ABCA2: variants seen among roughly 807,000 people sequenced by gnomAD.
ABCA2 encodes the protein ATP-binding cassette sub-family A member 2.
Under a neutral mutation model 262.8 loss-of-function variants are expected in ABCA2, and 84 were observed. The observed-to-expected ratio is 0.32, with a 90% CI of 0.27 to 0.38. The LOEUF is 0.38. Among genes scored for constraint, ABCA2 ranks in the 10% least tolerant of loss-of-function variants. ABCA2 has a pLI of 1.00. For missense variants in ABCA2, 2,662 were observed against 3,405.9 expected (o/e 0.78, Z 5.44); for synonymous variants, 1,696 against 1,502.9 (o/e 1.13, Z -2.97).
rs988347184 is a variant in ABCA2, at chr9:137,011,977, A to G, written c.5402T>C (p.Val1801Ala). The G allele has an allele frequency of 1.2e-6, 2 of 1,612,672 alleles. No individual in the cohort carries two copies. Among genetic ancestry groups the G allele is most frequent in the Non-Finnish European group, 1.7e-6 (2 of 1,179,928 alleles). The change falls in exon 35 of 49, where the codon GTG becomes GCG. Residue 1801 changes from valine to alanine, a missense_variant. Around this residue, in one of 12 missense-constraint regions of ABCA2, gnomAD observed 602 missense variants for 897.4 expected, o/e 0.67. Transcript: ENST00000341511. The surrounding 1 kb of genome is among the most constrained non-coding windows in gnomAD (Gnocchi z 8.8). ...TDVVIAIFII[V>A]AMSFVPASFV... The stretch of plus-strand genomic sequence containing the variant: ...GCTGGCCGGCACGAAGGACATGGCC[A>G]CGATGATGAAGATGGCGATGACGAC...
chr9:137,022,539 GCGCT>G, intron 5 of ABCA2, 61 bp from the exon 6 acceptor site: 1 of 1,586,190 alleles, frequency 6.3e-7, no homozygotes, highest in African/African-American at 1.3e-5. Flanking sequence ...GCCCCCACAT[GCGCT>G]CGGAGCCGAG....
intron 1 of ABCA2, 130 bp downstream of exon 1, chr9:137,027,945 G>A (rs1419413576): frequency 6.6e-6 from 2 of 304,584 alleles, no homozygotes; most frequent in Non-Finnish European, 4.8e-6. Context: ...GGGGGCTCGG[G>A]CCCGCGCCGC....
intron 45 of ABCA2, 153 bp downstream of exon 45, chr9:137,009,217 G>A (rs1830943705): frequency 2.5e-6 from 2 of 812,166 alleles, no homozygotes; most frequent in African/African-American, 1.9e-5. Flanking sequence ...TCCTCCCCTG[G>A]CCCCACTGCC....
Position 137,007,807 on chromosome 9 carries a change from G to C in ABCA2, c.*122C>G, listed in dbSNP as rs1830885774. ...GGGGCTGGAGGACCAGAAGCCCCTT[G>C]GTCCTGAACCTCCACTCCAGGCCCT... On this transcript the variant is annotated 3_prime_UTR_variant, in exon 49 of 49. Coordinates refer to ENST00000341511, the MANE Select transcript of ABCA2 (RefSeq NM_001606.5). 3.7e-6 allele frequency: 5 copies of C among 1,360,138 alleles called. No individual in the cohort carries two copies. The highest frequency in any genetic ancestry group is 1.4e-5 in the African/African-American group (1 of 69,474). 84.3% of individuals were successfully genotyped at this position (1,360,138 alleles called of 1,614,324 possible).
chr9:137,012,978 C>A (rs752250283), intron 30 of ABCA2, 24 bp downstream of exon 30: 2 of 1,480,528 alleles, frequency 1.4e-6, no homozygotes, highest in East Asian at 2.5e-5. Flanking sequence ...CCCTGCCCCC[C>A]CAGCAGGCCC....
In ABCA2 at chr9:137,018,282, G is replaced by A. The variant is rs1831331470; in HGVS notation, c.1889C>T (p.Ser630Phe). Reference protein sequence around the residue: ...PHVHYKIRQNSSFTEKTNEIR... With the variant: ...PHVHYKIRQNFSFTEKTNEIR... ...CTCGTTGGTTTTCTCGGTGAAGCTG[G>A]AGTTCTGGCGGATCTTGTAGTGCAC... The change falls in exon 14 of 49, where the codon TCC becomes TTC. Residue 630 changes from serine (S) to phenylalanine (F), a missense_variant. Ser to Phe is a radical substitution (Grantham distance 155). Coordinates refer to ENST00000341511, the MANE Select transcript of ABCA2 (RefSeq NM_001606.5). 1.2e-6 allele frequency: 2 copies of A among 1,610,054 alleles called. No individual in the cohort carries two copies. Among genetic ancestry groups the A allele is most frequent in the Non-Finnish European group, 1.7e-6 (2 of 1,179,448 alleles).
At position 137,018,826 on chromosome 9, in the gene ABCA2, G is replaced by A. The variant is rs1369145783; in HGVS notation, c.1723-11C>T. ...GATGTCCACGCTCACCTAGCGGGAG[G>A]GGCATCGCTGGAGCCCGCCGTGGGC... On this transcript the variant is annotated splice_polypyrimidine_tract_variant and intron_variant, in intron 12 of 48. Coordinates refer to ENST00000341511, the MANE Select transcript of ABCA2 (RefSeq NM_001606.5). 6.2e-7 allele frequency: 1 copy of A among 1,612,578 alleles called. No homozygotes were observed. The highest frequency in any genetic ancestry group is 8.5e-7 in the Non-Finnish European group (1 of 1,179,748).
Position 137,024,207 on chromosome 9 carries a change from G to A in ABCA2, c.96C>T (p.Pro32=), listed in dbSNP as rs754830897. 3 of 1,612,198 alleles carry A rather than the reference G, an allele frequency of 1.9e-6. No homozygotes were observed. Among genetic ancestry groups the A allele is most frequent in the Non-Finnish European group, 2.5e-6 (3 of 1,179,562 alleles). The change falls in exon 2 of 49, where the codon CCC becomes CCT. Residue 32 remains proline (P), a synonymous_variant. Transcript: ENST00000341511. ...CCAGCAGGATAAAGAACAGCACCAG[G>A]GGGATGAAGATCTCGAAGGCCAGGA... ...PWVLAFEIFI[P]LVLFFILLGL... is the part of the protein sequence containing the mutation.
intron 1 of ABCA2, among the ~76,000 whole-genome samples, chr9:137,024,607 G>A (rs1227199752): frequency 1.3e-5 from 2 of 152,152 alleles, no homozygotes; most frequent in South Asian, 2.1e-4. Context: ...GGGACCATCT[G>A]AGCCACTAGC....
chr9:137,026,676 C>G (rs886517439), intron 1 of ABCA2, among the ~76,000 whole-genome samples: 4 of 152,152 alleles, frequency 2.6e-5, no homozygotes, highest in Non-Finnish European at 5.9e-5. Context: ...GCCAGCTGCC[C>G]TCATAGGCCA....
At position 137,021,041 on chromosome 9, in the gene ABCA2, G is replaced by T. The variant is rs564505405; in HGVS notation, c.918C>A (p.Asn306Lys). Residue 306 changes from asparagine (N) to lysine (K), a missense_variant, in exon 9 of 49, where the codon AAC becomes AAA. Physicochemically the swap from Asn to Lys is moderately conservative, Grantham distance 94 (BLOSUM62 0). Coordinates refer to ENST00000341511, the MANE Select transcript of ABCA2 (RefSeq NM_001606.5). The surrounding 1 kb of genome is among the most constrained non-coding windows in gnomAD (Gnocchi z 6.0). ...GCGCCTGTGGCGAGGAGTCCGAGCC[G>T]TTGGGGGCATCCAGGCCCAGCTGAG... Reference protein sequence around the residue: ...VSQQLGLDAPNGSDSSPQAPP... With the variant: ...VSQQLGLDAPKGSDSSPQAPP... 3.4e-6 allele frequency: 5 copies of T among 1,481,160 alleles called. No individual in the cohort carries two copies. Among genetic ancestry groups the T allele is most frequent in the East Asian group, 2.4e-5 (1 of 40,884 alleles). 91.8% of individuals were successfully genotyped at this position (1,481,160 alleles called of 1,614,324 possible). A position where few individuals can be genotyped will look rare whatever the true frequency, so the allele number is the denominator to read the frequency against.
At position 137,017,517 on chromosome 9, in the gene ABCA2, G is replaced by A. The variant is rs1211856819; in HGVS notation, c.2387C>T (p.Ala796Val). The A allele has an allele frequency of 1.9e-6, 3 of 1,608,116 alleles. No individual in the cohort carries two copies. Among genetic ancestry groups the A allele is most frequent in the Non-Finnish European group, 1.7e-6 (2 of 1,176,124 alleles). The change falls in exon 17 of 49, where the codon GCC (alanine) becomes GTC (valine). Residue 796 changes from alanine (A) to valine (V), a missense_variant. Physicochemically the swap from Ala to Val is moderately conservative, Grantham distance 64. Transcript: ENST00000341511. ...IWLFLAVYAV[A>V]TIMFCFLVSV... ...CCGCGCTCACCAGAACATGATGGTGGCCACCGCGTAGACTGCCAGGAAGAG... is the reference window on the plus strand; with the variant it reads ...CCGCGCTCACCAGAACATGATGGTGACCACCGCGTAGACTGCCAGGAAGAG...
intron 19 of ABCA2, 51 bp downstream of exon 19, chr9:137,016,869 C>A (rs376486087): frequency 2.2e-5 from 35 of 1,597,300 alleles, no homozygotes; most frequent in Non-Finnish European, 2.8e-5. Context: ...GGTCCCCAAC[C>A]CTGGCTGGGG....
intron 48 of ABCA2, 184 bp downstream of exon 48, chr9:137,008,232 G>A (rs954318705): frequency 5.4e-5 from 45 of 838,794 alleles, no homozygotes; most frequent in Admixed American, 8.0e-5. Flanking sequence ...AGCAAGTCTG[G>A]ACCATGCAGT....
chr9:137,022,536 C>T (rs1334719861), intron 5 of ABCA2, 58 bp from the exon 6 acceptor site: 1 of 1,590,162 alleles, frequency 6.3e-7, no homozygotes, highest in African/African-American at 1.3e-5. Context: ...GGTGCCCCCA[C>T]ATGCGCTCGG....
chr9:137,026,020 C>T (rs1831640855), intron 1 of ABCA2, among the ~76,000 whole-genome samples: 1 of 152,218 alleles, frequency 6.6e-6, no homozygotes, highest in Non-Finnish European at 1.5e-5. Context: ...GGCATGACCC[C>T]TCCCTGTAGC....
At position 137,014,751 on chromosome 9, in the gene ABCA2, G is replaced by A. The variant is rs1026595623; in HGVS notation, c.3942C>T (p.Thr1314=). The part of the protein sequence containing the change: ...HLSSFGLMDT[T]LEEVFLKVSE... The stretch of plus-strand genomic sequence containing the variant: ...ACACCTTGAGGAACACTTCCTCCAG[G>A]GTCGTGTCCATCAGCCCGAAGCTGC... Residue 1314 remains threonine, a synonymous_variant, in exon 26 of 49, where the codon ACC becomes ACT. Transcript: ENST00000341511. The A allele has an allele frequency of 1.2e-6, 2 of 1,601,406 alleles. No individual in the cohort carries two copies. Among genetic ancestry groups the A allele is most frequent in the Non-Finnish European group, 1.7e-6 (2 of 1,175,330 alleles).
Position 137,010,183 on chromosome 9 carries a change from C to G in ABCA2, c.6353+10G>C. The G allele has an allele frequency of 1.9e-6, 3 of 1,598,132 alleles. No individual in the cohort carries two copies. Among genetic ancestry groups the G allele is most frequent in the Non-Finnish European group, 2.5e-6 (3 of 1,176,688 alleles). On this transcript the variant is annotated intron_variant, in intron 41 of 48. Transcript: ENST00000341511. ...GCGGCGGCCCCGCCCACCCAGGGCT[C>G]CCGCCCCACCTGTGTCCATTGACGA...
In ABCA2 at chr9:137,014,470, C is replaced by A. The variant is rs866542843; in HGVS notation, c.4004-66G>T. ...GGCCCCTAGGCCTGCCCAGGACCCC[C>A]ATCCCCGGTCTTGACCCCAGTTCCC... On this transcript the variant is annotated intron_variant, in intron 26 of 48. Transcript: ENST00000341511. The A allele has an allele frequency of 4.7e-6, 7 of 1,504,988 alleles. No homozygotes were observed. In the African/African-American group the frequency reaches 8.3e-5, roughly 18 times the overall value. 93.2% of individuals were successfully genotyped at this position (1,504,988 alleles called of 1,614,324 possible).
Sources: allele counts gnomAD v4.1 joint callset (sites outside exome capture counted in the v4.1 genomes callset), GRCh38; gene constraint gnomAD v4.1.1; regional missense constraint gnomAD v4.1.1; non-coding constraint Gnocchi (gnomAD v3.1); transcripts MANE v1.5; gene names NCBI Gene and HGNC (gene_info 2026-07-23, HGNC 2026-07-21).